ZNF644: variants seen among roughly 807,000 people sequenced by gnomAD.
The protein encoded by ZNF644 is zinc finger protein 644, also known as zinc finger motif enhancer binding protein 2.
In ZNF644, 20 loss-of-function variants were observed where a neutral mutation model predicts 108.0. That is an observed-to-expected ratio of 0.19 (90% confidence interval 0.13 to 0.27). The LOEUF is 0.27. Ranked by LOEUF, ZNF644 falls within the 10% of genes least tolerant of loss-of-function variation. The pLI is 1.00. For missense variants in ZNF644, 1,338 were observed against 1,548.9 expected, an observed-to-expected ratio of 0.86 and a Z score of 2.29; for synonymous variants, 542 against 539.1, an observed-to-expected ratio of 1.01 and a Z score of -0.08.
chr1:90,997,195 T>C (rs1658230842), intron 1 of ZNF644, among the ~76,000 whole-genome samples: 1 of 152,108 alleles, frequency 6.6e-6, no homozygotes, highest in Non-Finnish European at 1.5e-5. Flanking sequence ...AAGACCTAAG[T>C]GCTCACCTCT....
chr1:90,984,840 T>C lies in ZNF644; in HGVS notation c.-17-2470A>G, dbSNP rs570760558. On this transcript the variant is annotated intron_variant, in intron 1 of 5. Transcript: ENST00000337393. ...AGAACTGTGAGAAAATAAATTTCTG[T>C]TGTGTAAGCCACCCAGTCTGTAGTA... Among the ~76,000 whole-genome samples, 7 of 152,332 alleles carry C rather than the reference T, an allele frequency of 4.6e-5. No homozygotes were observed. In the South Asian group the frequency reaches 6.2e-4, roughly 14 times the overall value.
chr1:90,964,532 T>A (rs1021443149), intron 2 of ZNF644, among the ~76,000 whole-genome samples: 3 of 152,182 alleles, frequency 2.0e-5, no homozygotes, highest in Non-Finnish European at 2.9e-5. Context: ...ATCAAACATT[T>A]ACTATATTAA....
At chr1:90,987,689 T>C (rs1460221151) in intron 1 of ZNF644, among the ~76,000 whole-genome samples, 1 of 152,076 alleles carries the variant, frequency 6.6e-6, no homozygotes, top group East Asian at 1.9e-4. Flanking sequence ...AAGGTCAGCA[T>C]TACCCTGACA....
chr1:90,943,213 G>A (rs1042554522), intron 2 of ZNF644, among the ~76,000 whole-genome samples: 1 of 151,964 alleles, frequency 6.6e-6, no homozygotes, highest in Non-Finnish European at 1.5e-5. Flanking sequence ...AGGCCGAGGC[G>A]GGTGGATTAC....
intron 4 of ZNF644, among the ~76,000 whole-genome samples, chr1:90,930,489 C>T (rs1028294248): frequency 6.6e-6 from 1 of 152,134 alleles, no homozygotes; most frequent in African/African-American, 2.4e-5. Flanking sequence ...CCTGCTGCCA[C>T]AGAAGAGTTA....
intron 2 of ZNF644, among the ~76,000 whole-genome samples, chr1:90,945,326 C>A (rs952582704): frequency 6.6e-6 from 1 of 151,878 alleles, no homozygotes; most frequent in African/African-American, 2.4e-5. Context: ...ATTCACACAC[C>A]TTTTTAAAAA....
chr1:90,987,053 C>T (rs1657169584), intron 1 of ZNF644, among the ~76,000 whole-genome samples: 1 of 148,188 alleles, frequency 6.7e-6, no homozygotes, highest in African/African-American at 2.5e-5. Context: ...GTAGCAAAAG[C>T]TTACATGTTT....
At chr1:90,994,659 TGCAGTGTAGGCA>T (rs1373770987) in intron 1 of ZNF644, among the ~76,000 whole-genome samples, 1 of 152,182 alleles carries the variant, frequency 6.6e-6, no homozygotes, top group Non-Finnish European at 1.5e-5. Flanking sequence ...TCCCCAACTA[TGCAGTGTAGGCA>T]GCAGGAAGCT....
intron 4 of ZNF644, among the ~76,000 whole-genome samples, chr1:90,928,898 A>G (rs1224694720): frequency 6.6e-6 from 1 of 152,088 alleles, no homozygotes; most frequent in Non-Finnish European, 1.5e-5. Flanking sequence ...CTGAAACCAT[A>G]TAAACCCTTC....
intron 2 of ZNF644, among the ~76,000 whole-genome samples, chr1:90,950,122 TA>T (rs1453228477): frequency 6.6e-6 from 1 of 150,498 alleles, no homozygotes; most frequent in Non-Finnish European, 1.5e-5. Context: ...TACTAAAATA[TA>T]AAAAATTCGC....
At chr1:90,920,530 C>T (rs925033019) in intron 4 of ZNF644, among the ~76,000 whole-genome samples, 1 of 151,842 alleles carries the variant, frequency 6.6e-6, no homozygotes, top group Non-Finnish European at 1.5e-5. Context: ...ATATTTTTGG[C>T]TTTTTCTTTA....
chr1:90,925,473 G>A (rs955039113), intron 4 of ZNF644, among the ~76,000 whole-genome samples: 5 of 151,818 alleles, frequency 3.3e-5, no homozygotes, highest in Admixed American at 6.6e-5. Flanking sequence ...CTTTGGGCTT[G>A]AATAAACTCT....
At chr1:90,922,198 C>T (rs1421453694) in intron 4 of ZNF644, among the ~76,000 whole-genome samples, 3 of 152,068 alleles carry the variant, frequency 2.0e-5, no homozygotes, top group South Asian at 2.1e-4. Context: ...CATTCGCCAC[C>T]GAAGTATTTT....
intron 2 of ZNF644, among the ~76,000 whole-genome samples, chr1:90,978,591 T>C (rs1656236005): frequency 6.6e-6 from 1 of 152,106 alleles, no homozygotes. Context: ...CAAATATCCA[T>C]AAAGAATTTC....
intron 5 of ZNF644, 144 bp from the exon 6 acceptor site, chr1:90,917,134 T>G: frequency 1.2e-6 from 1 of 851,682 alleles, no homozygotes; most frequent in East Asian, 2.7e-5. Context: ...AATGATTTAA[T>G]AAAACATCAA....
At chr1:91,016,949 C>T (rs535303547) in intron 1 of ZNF644, among the ~76,000 whole-genome samples, 2 of 152,310 alleles carry the variant, frequency 1.3e-5, no homozygotes, top group African/African-American at 4.8e-5. Context: ...TCTCCTGCCT[C>T]GGCCTCCCAA....
intron 1 of ZNF644, among the ~76,000 whole-genome samples, chr1:90,995,957 TTC>T (rs1658106283): frequency 6.6e-6 from 1 of 152,166 alleles, no homozygotes; most frequent in African/African-American, 2.4e-5. Flanking sequence ...AGAAATAAAT[TTC>T]TGTTGTTTGT....
intron 2 of ZNF644, among the ~76,000 whole-genome samples, chr1:90,971,415 C>A (rs1306175086): frequency 6.6e-6 from 1 of 151,726 alleles, no homozygotes; most frequent in African/African-American, 2.4e-5. Flanking sequence ...TCAAACATTT[C>A]TTTCTTTCTT....
intron 1 of ZNF644, among the ~76,000 whole-genome samples, chr1:90,982,875 C>A (rs1656704087): frequency 6.6e-6 from 1 of 151,922 alleles, no homozygotes; most frequent in Non-Finnish European, 1.5e-5. Context: ...ATAGCCAACA[C>A]TGATTACTTA....
Sources: gnomAD v4.1 joint callset for allele counts (sites outside exome capture counted in the v4.1 genomes callset) on GRCh38, gnomAD v4.1.1 for gene constraint, MANE v1.5 for transcripts, NCBI Gene and HGNC (gene_info 2026-07-23, HGNC 2026-07-21) for gene names.